FABP6: variants seen among roughly 807,000 people sequenced by gnomAD.
FABP6 encodes the protein gastrotropin.
A neutral mutation model predicts 14.9 loss-of-function variants in FABP6; 13 were observed. The ratio of observed to expected loss-of-function variants is 0.87; its 90% CI spans 0.57 to 1.39. The LOEUF is 1.39. Among genes scored for constraint, FABP6 ranks in the 40% most tolerant of loss-of-function variants. FABP6 has a pLI of 0.00. For synonymous variants in FABP6, 75 were observed against 63.6 expected, an observed-to-expected ratio of 1.18 and a Z score of -0.85; for missense variants, 161 against 167.2, an observed-to-expected ratio of 0.96 and a Z score of 0.20.
At chr5:160,223,022 G>A (rs897251292) in intron 3 of FABP6, among the ~76,000 whole-genome samples, 14 of 152,124 alleles carry the variant, frequency 9.2e-5, no homozygotes, top group African/African-American at 3.4e-4. Flanking sequence ...TGTTGCCCAG[G>A]ATGGAGTGCA....
intron 2 of FABP6, among the ~76,000 whole-genome samples, chr5:160,201,986 A>G (rs1188419642): frequency 6.6e-6 from 1 of 151,822 alleles, no homozygotes; most frequent in Non-Finnish European, 1.5e-5. Context: ...CTGGTCTTGA[A>G]CTCCTGGGCT....
intron 1 of FABP6, among the ~76,000 whole-genome samples, chr5:160,195,064 C>G (rs1405507900): frequency 6.6e-6 from 1 of 152,120 alleles, no homozygotes; most frequent in Non-Finnish European, 1.5e-5. Flanking sequence ...GCAGGTGGAT[C>G]ACTTGAGGTC....
upstream of FABP6, among the ~76,000 whole-genome samples, chr5:160,228,091 T>C (rs1396541425): frequency 6.6e-6 from 1 of 152,040 alleles, no homozygotes; most frequent in Non-Finnish European, 1.5e-5. Flanking sequence ...AGAGGTTTCC[T>C]GAATTAATAA....
chr5:160,197,848 C>G (rs1759541602), intron 1 of FABP6: 1 of 151,958 alleles, frequency 6.6e-6, no homozygotes, highest in Non-Finnish European at 1.5e-5. Flanking sequence ...TCCGGAAACT[C>G]CTGTCAGCTC....
Position 160,234,891 on chromosome 5 carries a change from G to C in FABP6, c.315G>C (p.Val105=), listed in dbSNP as rs759994238. Reference sequence around the variant, plus strand: ...ACTATCACCAGACCTCAGAGATCGTGGGTGACAAGCTGGTGGAGGTGAGTG... The same window carrying C: ...ACTATCACCAGACCTCAGAGATCGTCGGTGACAAGCTGGTGGAGGTGAGTG... The part of the protein sequence containing the change: ...FPNYHQTSEI[V]GDKLVEVSTI... The change falls in exon 3 of 4, where the codon GTG becomes GTC. Residue 105 remains valine (V), a synonymous_variant. Coordinates refer to ENST00000402432, the MANE Select transcript of FABP6 (RefSeq NM_001445.3). 1.9e-6 allele frequency: 3 copies of C among 1,611,490 alleles called. No individual in the cohort carries two copies. The highest frequency in any genetic ancestry group is 2.7e-5 in the African/African-American group (2 of 74,876).
rs143400345 is a variant in FABP6 at position 160,232,171 on chromosome 5, C to T, written c.141C>T (p.Asp47=). ...CGGAGGTGCAGCAGGATGGGCAGGA[C>T]TTCACTTGGTCCCAGCACTACTCCG... ...IVTEVQQDGQ[D]FTWSQHYSGG... Residue 47 remains aspartate (D), a synonymous_variant, in exon 2 of 4, where the codon GAC becomes GAT. Transcript: ENST00000402432. The T allele has an allele frequency of 3.1e-6, 5 of 1,613,868 alleles. No individual in the cohort carries two copies. Among genetic ancestry groups the T allele is most frequent in the Non-Finnish European group, 4.2e-6 (5 of 1,179,992 alleles).
At chr5:160,227,818 A>ATG (rs776387001), upstream of FABP6, among the ~76,000 whole-genome samples, 2,950 of 130,638 alleles carry the variant, frequency 0.023, 52 homozygotes, top group African/African-American at 0.043. Flanking sequence ...AAAATCCATG[A>ATG]CGTGTGTGTG....
intron 2 of FABP6, among the ~76,000 whole-genome samples, chr5:160,208,547 G>A (rs906033455): frequency 2.6e-4 from 39 of 152,300 alleles, no homozygotes; most frequent in African/African-American, 8.7e-4. Flanking sequence ...AGAGGTGATA[G>A]GATCATGAAG....
intron 2 of FABP6, among the ~76,000 whole-genome samples, chr5:160,234,403 A>C (rs1347083688): frequency 2.4e-4 from 13 of 54,668 alleles, no homozygotes; most frequent in Non-Finnish European, 3.4e-4. Context: ...TTTTTTTTTT[A>C]CCTACAACTG....
chr5:160,221,107 A>G (rs1252194445), intron 3 of FABP6, among the ~76,000 whole-genome samples: 11 of 151,398 alleles, frequency 7.3e-5, no homozygotes, highest in Admixed American at 6.6e-4. Context: ...AAAAAAAAAA[A>G]AGACTTGAGA....
intron 1 of FABP6, chr5:160,197,600 G>T (rs186375140): frequency 2.0e-5 from 3 of 152,172 alleles, no homozygotes; most frequent in African/African-American, 4.8e-5. Context: ...TGTTGGCGCC[G>T]ATCATTCTTT....
intron 1 of FABP6, among the ~76,000 whole-genome samples, chr5:160,191,545 C>T (rs1254355984): frequency 6.6e-6 from 1 of 152,078 alleles, no homozygotes; most frequent in African/African-American, 2.4e-5. Flanking sequence ...CTGTGTTCCC[C>T]TCTCATGCCC....
chr5:160,236,488 G>A (rs1325441157), intron 3 of FABP6, among the ~76,000 whole-genome samples: 6 of 152,026 alleles, frequency 3.9e-5, no homozygotes, highest in African/African-American at 1.2e-4. Context: ...AAGAGGTTCC[G>A]TGCCCTCCCA....
chr5:160,232,297 C>T (rs373039855), intron 2 of FABP6, 24 bp downstream of exon 2: 6 of 1,568,760 alleles, frequency 3.8e-6, no homozygotes, highest in Admixed American at 1.8e-5. Flanking sequence ...GGCTGTCCCC[C>T]TCCTTCCCCA....
At chr5:160,190,355 C>T (rs985940534) in intron 1 of FABP6, among the ~76,000 whole-genome samples, 1 of 152,128 alleles carries the variant, frequency 6.6e-6, no homozygotes, top group Admixed American at 6.6e-5. Context: ...CCCTTAGCCT[C>T]CCGAGTAGCT....
chr5:160,221,165 G>T (rs1760121431), intron 3 of FABP6, among the ~76,000 whole-genome samples: 1 of 151,610 alleles, frequency 6.6e-6, no homozygotes, highest in Admixed American at 6.6e-5. Context: ...AACTAGAGAT[G>T]CTCAGGTGAT....
At chr5:160,222,845 T>A (rs1438186289) in intron 3 of FABP6, among the ~76,000 whole-genome samples, 1 of 152,214 alleles carries the variant, frequency 6.6e-6, no homozygotes, top group Non-Finnish European at 1.5e-5. Flanking sequence ...AAACATTGTA[T>A]GAGTTGTAAG....
In FABP6 at chr5:160,232,117, C is replaced by A. The variant is rs562329727; in HGVS notation, c.87C>A (p.Ile29=). 11 of 1,613,922 alleles carry A rather than the reference C, an allele frequency of 6.8e-6. No individual in the cohort carries two copies. The highest frequency in any genetic ancestry group is 9.3e-6 in the Non-Finnish European group (11 of 1,179,972). Residue 29 remains isoleucine (I), a synonymous_variant, in exon 2 of 4, where the codon ATC becomes ATA. Coordinates refer to ENST00000402432, the MANE Select transcript of FABP6 (RefSeq NM_001445.3). The part of the protein sequence containing the change: ...MKLLGISSDV[I]EKARNFKIVT... ...GTCCAGGGATCTCCAGCGATGTAATCGAAAAGGCCCGCAACTTCAAGATCG... is the reference window on the plus strand; with the variant it reads ...GTCCAGGGATCTCCAGCGATGTAATAGAAAAGGCCCGCAACTTCAAGATCG...
intron 2 of FABP6, among the ~76,000 whole-genome samples, chr5:160,212,632 C>A (rs1296092590): frequency 6.6e-6 from 1 of 151,892 alleles, no homozygotes; most frequent in African/African-American, 2.4e-5. Flanking sequence ...CCACGCCTGG[C>A]TAATTTTTTT....
Sources: gnomAD v4.1 joint callset for allele counts (sites outside exome capture counted in the v4.1 genomes callset) on GRCh38, gnomAD v4.1.1 for gene constraint, MANE v1.5 for transcripts, NCBI Gene and HGNC (gene_info 2026-07-23, HGNC 2026-07-21) for gene names.